Variants in COL11A1 observed in about 807,000 individuals in gnomAD.
COL11A1 encodes collagen type XI alpha 1 chain.
A neutral mutation model predicts 265.2 loss-of-function variants in COL11A1; 74 were observed. The ratio of observed to expected loss-of-function variants is 0.28; its 90% CI spans 0.23 to 0.34. COL11A1 has a LOEUF of 0.34. COL11A1 is among the 10% of genes least tolerant of loss of function. The probability of loss-of-function intolerance (pLI) is 1.00; values close to 1 mark genes in which losing one functional copy is unlikely to be tolerated. For synonymous variants in COL11A1, 816 were observed against 727.6 expected (o/e 1.12, Z -1.96); for missense variants, 2,165 against 2,263.6 (o/e 0.96, Z 0.88).
rs1342453369 is a variant in COL11A1 at position 102,912,206 on chromosome 1, G to A, written c.4039C>T (p.Pro1347Ser). Residue 1347 changes from proline (P) to serine (S), a missense_variant, in exon 54 of 67, where the codon CCT (proline) becomes TCT (serine). By Grantham distance (74) the Pro-to-Ser change is moderately conservative. Transcript: ENST00000370096. The stretch of plus-strand genomic sequence containing the variant: ...GGGCCAGCCTCACCAGATGGGCCAG[G>A]AGGACCCTATAAAATGTGAAAAAAT... ...EDGDPGQPGP[P>S]GPSGEAGPPG... 6.2e-7 allele frequency: 1 copy of A among 1,609,776 alleles called. No individual in the cohort carries two copies.
At chr1:103,019,222 A>G (rs1666801497) in intron 9 of COL11A1, among the ~76,000 whole-genome samples, 1 of 152,218 alleles carries the variant, frequency 6.6e-6, no homozygotes, top group African/African-American at 2.4e-5. Flanking sequence ...TACCTGGCAT[A>G]AAACAGAAAC....
intron 57 of COL11A1, among the ~76,000 whole-genome samples, chr1:102,895,251 C>T (rs1216809539): frequency 6.6e-6 from 1 of 152,100 alleles, no homozygotes; most frequent in African/African-American, 2.4e-5. Flanking sequence ...CAGAAACTTC[C>T]TATAAAATTG....
intron 4 of COL11A1, among the ~76,000 whole-genome samples, chr1:103,073,340 A>G (rs944587608): frequency 6.6e-6 from 1 of 151,922 alleles, no homozygotes; most frequent in Non-Finnish European, 1.5e-5. Context: ...TTTATTCATA[A>G]TTCACATGCA....
At chr1:102,897,530 T>C (rs1652590569) in intron 57 of COL11A1, among the ~76,000 whole-genome samples, 1 of 152,066 alleles carries the variant, frequency 6.6e-6, no homozygotes, top group Non-Finnish European at 1.5e-5. Context: ...TGCCCAAATT[T>C]GTATCAAGTA....
At chr1:103,071,405 A>C (rs899865642) in intron 4 of COL11A1, among the ~76,000 whole-genome samples, 7 of 149,530 alleles carry the variant, frequency 4.7e-5, no homozygotes, top group African/African-American at 1.7e-4. Context: ...AATTTTCCTC[A>C]CATCTTTGAA....
At chr1:103,053,950 T>G (rs1397240841) in intron 4 of COL11A1, among the ~76,000 whole-genome samples, 2 of 152,166 alleles carry the variant, frequency 1.3e-5, no homozygotes, top group Non-Finnish European at 2.9e-5. Context: ...TTAAAGAAAT[T>G]CAACATGTTT....
At chr1:103,107,523 A>G (rs12063392) in intron 1 of COL11A1, among the ~76,000 whole-genome samples, 146 of 127,702 alleles carry the variant, frequency 1.1e-3, no homozygotes, top group African/African-American at 4.3e-3. Context: ...GAGTGTTCCT[A>G]ATCTTCTAGA....
At chr1:103,028,698 A>T (rs774067292) in intron 5 of COL11A1, among the ~76,000 whole-genome samples, 22 of 152,178 alleles carry the variant, frequency 1.4e-4, no homozygotes, top group Non-Finnish European at 2.9e-4. Context: ...CATAATTTGT[A>T]AGAAAACTGG....
intron 41 of COL11A1, among the ~76,000 whole-genome samples, chr1:102,956,556 T>C (rs969963943): frequency 2.0e-5 from 3 of 152,052 alleles, no homozygotes; most frequent in Admixed American, 2.0e-4. Flanking sequence ...AAATAACTTT[T>C]TATTGAAGTA....
At chr1:102,959,006 C>T (rs903037302) in intron 41 of COL11A1, among the ~76,000 whole-genome samples, 1 of 152,148 alleles carries the variant, frequency 6.6e-6, no homozygotes, top group African/African-American at 2.4e-5. Context: ...ACTACCTCGC[C>T]CCCTCCGTGT....
Position 102,940,454 on chromosome 1 carries a change from A to T in COL11A1, c.3277-20T>A. 1.3e-6 allele frequency: 2 copies of T among 1,576,206 alleles called. No individual in the cohort carries two copies. The highest frequency in any genetic ancestry group is 1.3e-5 in the African/African-American group (1 of 74,262). Reference sequence around the variant, plus strand: ...TTCTCCCTGTATTGAATATCCAAAGATCATTAATTTTACAGTTTTGAAGTG... The same window carrying T: ...TTCTCCCTGTATTGAATATCCAAAGTTCATTAATTTTACAGTTTTGAAGTG... On this transcript the variant is annotated intron_variant, in intron 42 of 66. Transcript: ENST00000370096.
At chr1:102,906,110 T>C (rs1653951883) in intron 54 of COL11A1, among the ~76,000 whole-genome samples, 1 of 152,196 alleles carries the variant, frequency 6.6e-6, no homozygotes, top group South Asian at 2.1e-4. Context: ...CTGTTTGAGA[T>C]TCTGATAGAT....
chr1:102,894,900 C>T (rs934210084), intron 57 of COL11A1, among the ~76,000 whole-genome samples: 3 of 152,032 alleles, frequency 2.0e-5, no homozygotes, highest in Non-Finnish European at 2.9e-5. Flanking sequence ...CTCAGCCTCC[C>T]GAGTAGCTGG....
chr1:102,886,313 A>ATTTTTTTTTTTTTTTTT (rs1650968857), intron 63 of COL11A1, among the ~76,000 whole-genome samples: 1 of 152,164 alleles, frequency 6.6e-6, no homozygotes, highest in Non-Finnish European at 1.5e-5. Context: ...TTAAAGATAC[A>ATTTTTTTTTTTTTTTTT]TTTTTGCCCC....
intron 47 of COL11A1, among the ~76,000 whole-genome samples, chr1:102,922,587 G>T (rs1040106702): frequency 6.6e-6 from 1 of 152,124 alleles, no homozygotes; most frequent in African/African-American, 2.4e-5. Flanking sequence ...TTTTAGTAGA[G>T]ACGGGGTTTC....
At chr1:102,960,863 C>T (rs1221265795) in intron 41 of COL11A1, among the ~76,000 whole-genome samples, 1 of 151,844 alleles carries the variant, frequency 6.6e-6, no homozygotes, top group Non-Finnish European at 1.5e-5. Flanking sequence ...TAGAGGAATG[C>T]CATAGTTAAG....
At position 102,961,241 on chromosome 1, in the gene COL11A1, G is replaced by A. The variant is rs374808237; in HGVS notation, c.3168+625C>T. 7.7e-4 allele frequency among the ~76,000 whole-genome samples: 117 copies of A among 152,198 alleles called. 8 individuals are homozygous for A. The South Asian group carries it at 0.023, about 30-fold the overall frequency. ...AAGCATACATTCAATTGTTTTCTGA[G>A]GGATTGATATGTATCTCAAGAAAAA... is the stretch of plus-strand genomic sequence containing the variant. On this transcript the variant is annotated intron_variant, in intron 41 of 66. Transcript: ENST00000370096.
chr1:102,997,151 T>TGCAAAAGTGTTCAATGTTTTTGAAACTTA, intron 25 of COL11A1, 27 bp from the exon 26 acceptor site: 1 of 1,562,080 alleles, frequency 6.4e-7, no homozygotes, highest in Non-Finnish European at 8.8e-7. Context: ...CATACACTGA[T>TGCAAAAGTGTTCAATGTTTTTGAAACTTA]AAGATGTAAT....
At chr1:103,039,685 G>A (rs1323162772) in intron 4 of COL11A1, among the ~76,000 whole-genome samples, 1 of 151,956 alleles carries the variant, frequency 6.6e-6, no homozygotes, top group Non-Finnish European at 1.5e-5. Context: ...AAGCCACTGA[G>A]GCTGTGGCAA....
Sources: allele counts gnomAD v4.1 joint callset (sites outside exome capture counted in the v4.1 genomes callset), GRCh38; gene constraint gnomAD v4.1.1; transcripts MANE v1.5; gene names NCBI Gene and HGNC (gene_info 2026-07-23, HGNC 2026-07-21).